Variants in ADARB2 observed in about 807,000 individuals in gnomAD.
ADARB2 encodes adenosine deaminase RNA specific B2 (inactive), also known as inactive double-stranded RNA-specific editase B2.
A neutral mutation model predicts 62.2 loss-of-function variants in ADARB2; 25 were observed. The ratio of observed to expected loss-of-function variants is 0.40; its 90% CI spans 0.29 to 0.56. The LOEUF (loss-of-function observed/expected upper bound fraction) is 0.56. Ranked by LOEUF, ADARB2 falls within the 20% of genes least tolerant of loss-of-function variation. The probability of loss-of-function intolerance (pLI) is 0.43; values close to 1 mark genes in which losing one functional copy is unlikely to be tolerated. For missense variants in ADARB2, 1,071 were observed against 1,077.4 expected (o/e 0.99, Z 0.08); for synonymous variants, 572 against 500.8 (o/e 1.14, Z -1.90).
chr10:1,244,648 C>T lies in ADARB2; in HGVS notation c.1193-2349G>A, dbSNP rs142799987. On this transcript the variant is annotated intron_variant, in intron 4 of 9. Transcript: ENST00000381312. The stretch of plus-strand genomic sequence containing the variant: ...AACACAGGAGACGCGAAGCCTGGAC[C>T]GAGGGAGATGACGCGGTCAGAAACG... Among the ~76,000 whole-genome samples the T allele has an allele frequency of 6.6e-5, 10 of 152,264 alleles. No individual in the cohort carries two copies. The East Asian group carries it at 1.9e-3, about 29-fold the overall frequency.
At chr10:1,651,759 G>A (rs997554392) in intron 1 of ADARB2, among the ~76,000 whole-genome samples, 1 of 143,910 alleles carries the variant, frequency 6.9e-6, no homozygotes. Context: ...GGGGGAGCGG[G>A]GGCTGCCTGC....
intron 1 of ADARB2, among the ~76,000 whole-genome samples, chr10:1,553,282 A>T (rs892992764): frequency 2.6e-5 from 4 of 152,320 alleles, no homozygotes; most frequent in Non-Finnish European, 5.9e-5. Flanking sequence ...AGCTGCTTTT[A>T]ATGGCTGAAT....
At chr10:1,189,606 C>T (rs1418474440) in intron 8 of ADARB2, among the ~76,000 whole-genome samples, 1 of 152,044 alleles carries the variant, frequency 6.6e-6, no homozygotes, top group South Asian at 2.1e-4. Context: ...AGACGGAACT[C>T]GAGTCCCAAG....
At chr10:1,361,856 G>A (rs911663536) in intron 3 of ADARB2, among the ~76,000 whole-genome samples, 16 of 152,200 alleles carry the variant, frequency 1.1e-4, no homozygotes, top group African/African-American at 3.9e-4. Flanking sequence ...TACTTACGAC[G>A]AGTCCCGCAC....
intron 3 of ADARB2, among the ~76,000 whole-genome samples, chr10:1,342,182 C>T (rs1481227125): frequency 1.3e-5 from 2 of 152,194 alleles, no homozygotes; most frequent in Non-Finnish European, 2.9e-5. Flanking sequence ...AGAGTCAAAT[C>T]CAGCTTTTCA....
At chr10:1,693,894 T>C (rs1834703929) in intron 1 of ADARB2, among the ~76,000 whole-genome samples, 1 of 152,252 alleles carries the variant, frequency 6.6e-6, no homozygotes, top group African/African-American at 2.4e-5. Context: ...ATGGGCAGGC[T>C]GGTCATACAG....
intron 1 of ADARB2, among the ~76,000 whole-genome samples, chr10:1,728,991 A>G (rs1464303607): frequency 6.6e-6 from 1 of 152,228 alleles, no homozygotes; most frequent in Non-Finnish European, 1.5e-5. Context: ...TGTTTATCTC[A>G]AAATTATTTC....
At chr10:1,341,054 C>T (rs1269488152) in intron 3 of ADARB2, among the ~76,000 whole-genome samples, 4 of 151,506 alleles carry the variant, frequency 2.6e-5, no homozygotes, top group East Asian at 3.9e-4. Context: ...GAACCACGTG[C>T]CCCACAGCGG....
chr10:1,200,094 A>G lies in ADARB2; in HGVS notation c.1736T>C (p.Val579Ala), dbSNP rs773282207. The G allele has an allele frequency of 6.4e-7, 1 of 1,564,810 alleles. No homozygotes were observed. Among genetic ancestry groups the G allele is most frequent in the Middle Eastern group, 1.7e-4 (1 of 5,964 alleles). ...GCCCACCACGATGCTCTGCAGGTAC[A>G]CGGGCTCCACGAAGTGGGACAGGAG... ...GALLSHFVEP[V>A]YLQSIVVGSL... Residue 579 changes from valine (V) to alanine (A), a missense_variant, in exon 8 of 10, where the codon GTG (valine) becomes GCG (alanine). Coordinates refer to ENST00000381312, the MANE Select transcript of ADARB2 (RefSeq NM_018702.4).
chr10:1,207,295 G>A (rs1802846527), intron 7 of ADARB2, among the ~76,000 whole-genome samples: 1 of 152,164 alleles, frequency 6.6e-6, no homozygotes. Flanking sequence ...GCAGTGAGCC[G>A]GGATCACGCC....
intron 1 of ADARB2, among the ~76,000 whole-genome samples, chr10:1,596,912 G>A (rs1428987330): frequency 6.6e-6 from 1 of 152,170 alleles, no homozygotes. Flanking sequence ...GGTGCCCAGA[G>A]TCTTCTTGGG....
At chr10:1,234,872 C>G (rs1451991203) in intron 5 of ADARB2, among the ~76,000 whole-genome samples, 1 of 149,010 alleles carries the variant, frequency 6.7e-6, no homozygotes, top group Non-Finnish European at 1.5e-5. Flanking sequence ...CCTCAGCCTC[C>G]TGAGTAGTTG....
At chr10:1,566,089 A>AGC (rs1832859185) in intron 1 of ADARB2, among the ~76,000 whole-genome samples, 2 of 126,438 alleles carry the variant, frequency 1.6e-5, no homozygotes, top group South Asian at 5.3e-4. Flanking sequence ...AAAAAAAAAA[A>AGC]AAAAAAAAAA....
intron 3 of ADARB2, among the ~76,000 whole-genome samples, chr10:1,320,769 A>T (rs190116828): frequency 8.5e-5 from 13 of 152,352 alleles, no homozygotes; most frequent in Non-Finnish European, 1.8e-4. Context: ...CAGATGATAA[A>T]ATAATTCCTT....
chr10:1,604,917 C>T (rs1345554422), intron 1 of ADARB2, among the ~76,000 whole-genome samples: 4 of 152,090 alleles, frequency 2.6e-5, no homozygotes, highest in African/African-American at 7.2e-5. Flanking sequence ...TCTGCTATGA[C>T]GGAGATGCAT....
intron 1 of ADARB2, among the ~76,000 whole-genome samples, chr10:1,616,662 A>G (rs1330260167): frequency 3.8e-4 from 50 of 131,156 alleles, no homozygotes; most frequent in Non-Finnish European, 5.8e-4. Context: ...CACACTCCGC[A>G]CCACCCTGCT....
At chr10:1,268,361 C>T (rs752309130) in intron 4 of ADARB2, among the ~76,000 whole-genome samples, 1 of 152,064 alleles carries the variant, frequency 6.6e-6, no homozygotes, top group African/African-American at 2.4e-5. Flanking sequence ...AAAATAAAAA[C>T]TTCTGTTCAT....
intron 3 of ADARB2, among the ~76,000 whole-genome samples, chr10:1,310,307 G>A (rs564035225): frequency 5.5e-4 from 84 of 152,318 alleles, no homozygotes; most frequent in African/African-American, 1.8e-3. Context: ...TCCTGGAGAA[G>A]CAGCTGGCAC....
chr10:1,615,556 T>A (rs1016518046), intron 1 of ADARB2, among the ~76,000 whole-genome samples: 1 of 152,112 alleles, frequency 6.6e-6, no homozygotes, highest in African/African-American at 2.4e-5. Flanking sequence ...TTTCCCTCAG[T>A]CAGAAGGCAC....
Sources: gnomAD v4.1 joint callset for allele counts (sites outside exome capture counted in the v4.1 genomes callset) on GRCh38, gnomAD v4.1.1 for gene constraint, MANE v1.5 for transcripts, NCBI Gene and HGNC (gene_info 2026-07-23, HGNC 2026-07-21) for gene names.